SRI: variants seen among roughly 807,000 people sequenced by gnomAD.
SRI encodes the protein sorcin, also known as 22 kDa protein.
A neutral mutation model predicts 33.3 loss-of-function variants in SRI; 30 were observed. The observed-to-expected ratio is 0.90, with a 90% CI of 0.67 to 1.22. SRI has a LOEUF of 1.22. Among genes scored for constraint, SRI ranks in the 50% most tolerant of loss-of-function variants. The pLI, the probability that SRI is intolerant of heterozygous loss-of-function variation, is 0.00. For synonymous variants in SRI, 75 were observed against 89.9 expected, an observed-to-expected ratio of 0.83 and a Z score of 0.94; for missense variants, 243 against 250.8, an observed-to-expected ratio of 0.97 and a Z score of 0.21.
At chr7:88,208,472 T>C (rs938035453) in intron 7 of SRI, 35 bp downstream of exon 7, 3 of 1,612,220 alleles carry the variant, frequency 1.9e-6, no homozygotes, top group African/African-American at 2.7e-5. Flanking sequence ...GTACATCCTT[T>C]TCATCTACTG....
chr7:88,208,328 ATAGTT>A, intron 7 of SRI, 174 bp downstream of exon 7: 1 of 1,379,620 alleles, frequency 7.2e-7, no homozygotes, highest in East Asian at 2.6e-5. Context: ...TGGTCTCACT[ATAGTT>A]AAGACTAATA....
At chr7:88,216,284 G>A (rs1851711868) in intron 3 of SRI, among the ~76,000 whole-genome samples, 1 of 152,168 alleles carries the variant, frequency 6.6e-6, no homozygotes, top group African/African-American at 2.4e-5. Context: ...TGCCAGGGAT[G>A]GAGCATCTTT....
chr7:88,214,198 G>C (rs544271494), intron 3 of SRI, among the ~76,000 whole-genome samples: 7 of 152,196 alleles, frequency 4.6e-5, no homozygotes, highest in Non-Finnish European at 8.8e-5. Flanking sequence ...TGACAAGAAT[G>C]ATGGGGGCAT....
chr7:88,220,063 G>T (rs1208035839), upstream of SRI: 4 of 1,501,816 alleles, frequency 2.7e-6, no homozygotes, highest in East Asian at 5.4e-5. Flanking sequence ...CGCCCTGTGC[G>T]CCAGGCCTCT....
rs1851746289 is a variant in SRI at position 88,217,161 on chromosome 7, T to G, written c.166A>C (p.Arg56=). The G allele has an allele frequency of 8.7e-6, 14 of 1,613,166 alleles. No individual in the cohort carries two copies. The highest frequency in any genetic ancestry group is 1.2e-5 in the Non-Finnish European group (14 of 1,180,030). The change falls in exon 3 of 8, where the codon AGA becomes CGA. Residue 56 remains arginine (R), a synonymous_variant. Transcript: ENST00000265729. ...GCAATGCCAGACTGTGTCAGACATC[T>G]CTGCAATTCATCAGCATCTATCTGC... ...DGQIDADELQ[R]CLTQSGIAGG... is the part of the protein sequence containing the mutation.
intron 1 of SRI, among the ~76,000 whole-genome samples, chr7:88,226,156 A>T (rs1363205649): frequency 6.6e-6 from 1 of 152,152 alleles, no homozygotes; most frequent in Non-Finnish European, 1.5e-5. Context: ...GGACTAGTAT[A>T]TTATGGGGGT....
chr7:88,211,578 G>A (rs1851580729), intron 3 of SRI, among the ~76,000 whole-genome samples: 1 of 152,176 alleles, frequency 6.6e-6, no homozygotes, highest in South Asian at 2.1e-4. Flanking sequence ...TGGGAAGTCA[G>A]GGTTGCTTTG....
chr7:88,209,480 GT>G, intron 5 of SRI, 28 bp from the exon 6 acceptor site: 1 of 1,552,902 alleles, frequency 6.4e-7, no homozygotes, highest in Non-Finnish European at 8.9e-7. Flanking sequence ...CAGTAAAAAG[GT>G]TAAAGGATTG....
intron 2 of SRI, among the ~76,000 whole-genome samples, chr7:88,217,481 T>C (rs903576971): frequency 6.6e-6 from 1 of 152,118 alleles, no homozygotes; most frequent in East Asian, 1.9e-4. Context: ...TATTTTTTTT[T>C]GATGGGGGTG....
At chr7:88,225,294 G>C (rs190999346) in intron 1 of SRI, among the ~76,000 whole-genome samples, 2 of 152,214 alleles carry the variant, frequency 1.3e-5, no homozygotes, top group East Asian at 3.9e-4. Context: ...GTGTATGTAT[G>C]TATATCATTG....
chr7:88,218,784 T>C, intron 2 of SRI, 75 bp downstream of exon 2: 1 of 1,463,588 alleles, frequency 6.8e-7, no homozygotes, highest in South Asian at 1.1e-5. Flanking sequence ...AAGTTCGCTT[T>C]TCTGTGTCAC....
intron 3 of SRI, among the ~76,000 whole-genome samples, chr7:88,212,481 G>A (rs1275643880): frequency 6.6e-6 from 1 of 152,142 alleles, no homozygotes; most frequent in Non-Finnish European, 1.5e-5. Flanking sequence ...TCTGATACCT[G>A]GGCTGCACCA....
chr7:88,214,076 T>C (rs1050902520), intron 3 of SRI, among the ~76,000 whole-genome samples: 2 of 152,150 alleles, frequency 1.3e-5, no homozygotes, highest in Non-Finnish European at 2.9e-5. Context: ...TGCTGAATTA[T>C]AATGGAGGGG....
chr7:88,208,725 G>T, intron 6 of SRI, 160 bp from the exon 7 acceptor site: 1 of 1,070,692 alleles, frequency 9.3e-7, no homozygotes, highest in Non-Finnish European at 1.3e-6. Context: ...CCAACTATAT[G>T]AATAGTAAAA....
chr7:88,208,459 G>A, intron 7 of SRI, 48 bp downstream of exon 7: 1 of 1,609,224 alleles, frequency 6.2e-7, no homozygotes, highest in South Asian at 1.1e-5. Context: ...ATACCCATCT[G>A]GTGTACATCC....
intron 2 of SRI, 124 bp downstream of exon 2, chr7:88,218,735 T>G (rs1230902269): frequency 3.6e-6 from 3 of 829,512 alleles, no homozygotes; most frequent in African/African-American, 1.7e-5. Flanking sequence ...AACAACTTTT[T>G]TTTTCTTTTG....
At chr7:88,206,965 T>C (rs778003532) in intron 7 of SRI, among the ~76,000 whole-genome samples, 11 of 152,158 alleles carry the variant, frequency 7.2e-5, no homozygotes, top group Non-Finnish European at 1.6e-4. Flanking sequence ...TTAAAACAAA[T>C]TGTAGCATGC....
At chr7:88,210,756 T>A (rs1386794683) in intron 4 of SRI, 126 bp downstream of exon 4, 59 of 883,336 alleles carry the variant, frequency 6.7e-5, no homozygotes, top group Non-Finnish European at 9.5e-5. Flanking sequence ...TAATAGAAGC[T>A]AATTATTTCA....
chr7:88,226,674 A>C (rs1290151061), intron 1 of SRI, among the ~76,000 whole-genome samples: 1 of 152,216 alleles, frequency 6.6e-6, no homozygotes, highest in Admixed American at 6.5e-5. Flanking sequence ...CTTAATTAAA[A>C]TAAGATATCT....
Sources: gnomAD v4.1 joint callset for allele counts (sites outside exome capture counted in the v4.1 genomes callset) on GRCh38, gnomAD v4.1.1 for gene constraint, MANE v1.5 for transcripts, NCBI Gene and HGNC (gene_info 2026-07-23, HGNC 2026-07-21) for gene names.